The following PRRC2B variants were observed in gnomAD, a reference collection of about 807,000 sequenced individuals.
PRRC2B encodes the protein proline rich coiled-coil 2B.
A neutral mutation model predicts 242.3 loss-of-function variants in PRRC2B; 68 were observed. The ratio of observed to expected loss-of-function variants is 0.28; its 90% CI spans 0.23 to 0.34. The LOEUF (loss-of-function observed/expected upper bound fraction) is 0.34. PRRC2B is among the 10% of genes least tolerant of loss of function. The probability of loss-of-function intolerance (pLI) is 1.00; values close to 1 mark genes in which losing one functional copy is unlikely to be tolerated. For synonymous variants in PRRC2B, 1,228 were observed against 1,173.6 expected (o/e 1.05, Z -0.95); for missense variants, 2,835 against 2,954.8 (o/e 0.96, Z 0.94).
At chr9:131,432,524 A>T in intron 2 of PRRC2B, 93 bp from the exon 3 acceptor site, 2 of 1,221,098 alleles carry the variant, frequency 1.6e-6, no homozygotes, top group Non-Finnish European at 2.3e-6. Flanking sequence ...TGTTATGATC[A>T]CTTAGAGATT....
chr9:131,399,574 A>G (rs948246703), intron 1 of PRRC2B, among the ~76,000 whole-genome samples: 2 of 152,094 alleles, frequency 1.3e-5, no homozygotes, highest in African/African-American at 2.4e-5. Context: ...GCGAGACTCC[A>G]TCTGAAAAAA....
At chr9:131,444,787 T>C (rs1159690805) in intron 6 of PRRC2B, among the ~76,000 whole-genome samples, 2 of 152,208 alleles carry the variant, frequency 1.3e-5, no homozygotes, top group Admixed American at 6.5e-5. Flanking sequence ...CTGGGGATTG[T>C]TACATAAATC....
At chr9:131,459,477 GT>G (rs961765135) in intron 11 of PRRC2B, 121 bp downstream of exon 11, 1 of 928,950 alleles carries the variant, frequency 1.1e-6, no homozygotes, top group African/African-American at 1.7e-5. Flanking sequence ...TTGTTAAAAT[GT>G]TTTTTCATAG....
At chr9:131,380,886 C>CAA (rs61180556) in intron 1 of PRRC2B, among the ~76,000 whole-genome samples, 4,834 of 108,364 alleles carry the variant, frequency 0.045, 331 homozygotes, top group African/African-American at 0.083. Flanking sequence ...ATTCTGTCTC[C>CAA]AAAAAAAAAA....
chr9:131,448,548 A>AAAAAAAAAAAAAAAAAAAC (rs1838893233), intron 9 of PRRC2B, among the ~76,000 whole-genome samples: 1 of 83,136 alleles, frequency 1.2e-5, no homozygotes, highest in Non-Finnish European at 2.5e-5. Flanking sequence ...TGTCTCAAAA[A>AAAAAAAAAAAAAAAAAAAC]AAAAAAAAAA....
upstream of PRRC2B, among the ~76,000 whole-genome samples, chr9:131,389,291 G>A (rs1386502483): frequency 1.3e-5 from 2 of 149,284 alleles, no homozygotes; most frequent in African/African-American, 2.4e-5. Context: ...AAGTAACTGG[G>A]ATTACAGGCA....
intron 1 of PRRC2B, among the ~76,000 whole-genome samples, chr9:131,377,168 G>A (rs889270516): frequency 6.6e-6 from 1 of 151,936 alleles, no homozygotes. Context: ...AGGCCGGAGT[G>A]CAGTGGCGCA....
intron 6 of PRRC2B, among the ~76,000 whole-genome samples, chr9:131,445,392 C>G (rs550005284): frequency 6.6e-6 from 1 of 152,282 alleles, no homozygotes; most frequent in East Asian, 1.9e-4. Context: ...CTCCTGACCT[C>G]AGGTGATCCG....
Position 131,481,732 on chromosome 9 carries a change from C to T in PRRC2B, c.4907C>T (p.Pro1636Leu). ...EIWESSSQAL[P>L]VQAPANDSWR... Reference sequence around the variant, plus strand: ...TGTCTTCCTCCCCTGGCAGCTCTCCCTGTGCAGGCCCCAGCCAACGACTCC... The same window carrying T: ...TGTCTTCCTCCCCTGGCAGCTCTCCTTGTGCAGGCCCCAGCCAACGACTCC... The change falls in exon 20 of 32, where the codon CCT (proline) becomes CTT (leucine). Residue 1636 changes from proline (P) to leucine (L), a missense_variant. By Grantham distance (98) the Pro-to-Leu change is moderately conservative (BLOSUM62 -3). Coordinates refer to ENST00000683519, the MANE Select transcript of PRRC2B (RefSeq NM_013318.4). The T allele has an allele frequency of 6.4e-7, 1 of 1,562,060 alleles. No homozygotes were observed. Among genetic ancestry groups the T allele is most frequent in the Non-Finnish European group, 8.7e-7 (1 of 1,153,632 alleles).
In PRRC2B at chr9:131,465,086, C is replaced by T; in HGVS notation, c.1720+8C>T. On this transcript the variant is annotated splice_region_variant and intron_variant, in intron 12 of 31. Coordinates refer to ENST00000683519, the MANE Select transcript of PRRC2B (RefSeq NM_013318.4). ...GCCCTGCTGTCCACAAAGGTAAGAG[C>T]TGGGCCGTCTTCCCACCAACTGGAA... 6.3e-7 allele frequency: 1 copy of T among 1,595,628 alleles called. No individual in the cohort carries two copies. The highest frequency in any genetic ancestry group is 8.6e-7 in the Non-Finnish European group (1 of 1,169,012).
At chr9:131,410,001 T>C (rs1321832536) in intron 1 of PRRC2B, among the ~76,000 whole-genome samples, 1 of 152,224 alleles carries the variant, frequency 6.6e-6, no homozygotes, top group Non-Finnish European at 1.5e-5. Context: ...ATGTATTTCA[T>C]GTATTTCTTT....
chr9:131,491,323 T>C, intron 28 of PRRC2B, 102 bp from the exon 29 acceptor site: 1 of 1,162,524 alleles, frequency 8.6e-7, no homozygotes, highest in Non-Finnish European at 1.2e-6. Context: ...TTAGTTCTTC[T>C]GAAGTGTATG....
chr9:131,447,052 C>G (rs571842218), intron 7 of PRRC2B, 33 bp from the exon 8 acceptor site: 1 of 1,612,920 alleles, frequency 6.2e-7, no homozygotes, highest in Non-Finnish European at 8.5e-7. Context: ...CAGCCATTAC[C>G]AGCAAATCCT....
intron 14 of PRRC2B, among the ~76,000 whole-genome samples, chr9:131,472,912 T>C (rs1943585823): frequency 6.6e-6 from 1 of 152,260 alleles, no homozygotes; most frequent in Non-Finnish European, 1.5e-5. Context: ...GCTTCTACAT[T>C]TCATTTCTAT....
chr9:131,420,452 T>TC (rs767698604), intron 1 of PRRC2B, among the ~76,000 whole-genome samples: 4,749 of 66,140 alleles, frequency 0.072, 957 homozygotes, highest in Admixed American at 0.17. Flanking sequence ...TTTCTTTTTC[T>TC]TTTTCTTTCT....
upstream of PRRC2B, among the ~76,000 whole-genome samples, chr9:131,392,866 T>C (rs1836925603): frequency 6.6e-6 from 1 of 150,576 alleles, no homozygotes; most frequent in African/African-American, 2.5e-5. Flanking sequence ...TGAGCAGAGA[T>C]TGCGGATTGT....
chr9:131,427,678 C>T (rs573348834), intron 1 of PRRC2B, among the ~76,000 whole-genome samples: 1 of 152,006 alleles, frequency 6.6e-6, no homozygotes, highest in Admixed American at 6.6e-5. Flanking sequence ...GTACAGATTG[C>T]CCCCCACCAC....
chr9:131,485,878 C>T lies in PRRC2B; in HGVS notation c.5759-207C>T, dbSNP rs1407755302. The stretch of plus-strand genomic sequence containing the variant: ...CCTCCTAGGTCTGACGCTGCACCCT[C>T]CCTACGTTCCCTGAGGTGCGTGCCA... On this transcript the variant is annotated intron_variant, in intron 25 of 31. Transcript: ENST00000683519. The T allele has an allele frequency of 6.4e-5, 46 of 716,294 alleles. 1 individual carries two copies. Among genetic ancestry groups the T allele is most frequent in the South Asian group, 6.4e-4 (44 of 68,980 alleles). 44.4% of individuals were successfully genotyped at this position (716,294 alleles called of 1,614,324 possible).
At chr9:131,471,181 A>G (rs577547628) in intron 14 of PRRC2B, among the ~76,000 whole-genome samples, 198 bp downstream of exon 14, 1 of 152,354 alleles carries the variant, frequency 6.6e-6, no homozygotes, top group East Asian at 1.9e-4. Context: ...TTGTTGGGAA[A>G]GTCATGAAGA....
Sources: gnomAD v4.1 joint callset for allele counts (sites outside exome capture counted in the v4.1 genomes callset) on GRCh38, gnomAD v4.1.1 for gene constraint, MANE v1.5 for transcripts, NCBI Gene and HGNC (gene_info 2026-07-23, HGNC 2026-07-21) for gene names.